The following NRP1 variants were observed in gnomAD, a reference collection of about 807,000 sequenced individuals.
NRP1 encodes neuropilin-1.
Under a neutral mutation model 106.7 loss-of-function variants are expected in NRP1, and 35 were observed. The ratio of observed to expected loss-of-function variants is 0.33; its 90% confidence interval spans 0.25 to 0.43. The LOEUF is 0.43. Among genes scored for constraint, NRP1 ranks in the 20% least tolerant of loss-of-function variants. The pLI, the probability that NRP1 is intolerant of heterozygous loss-of-function variation, is 1.00. For synonymous variants in NRP1, 437 were observed against 417.9 expected (o/e 1.05, Z -0.56); for missense variants, 1,024 against 1,170.4 (o/e 0.87, Z 1.83).
Position 33,197,783 on chromosome 10 carries a change from C to T in NRP1, c.1865-74G>A, listed in dbSNP as rs1836895323. ...TATGCAGGAGAAAAATGTATGCTTA[C>T]AAATGTCTATCAGAGGCAAATATTT... On this transcript the variant is annotated intron_variant, in intron 11 of 16. Coordinates refer to ENST00000374867, the MANE Select transcript of NRP1 (RefSeq NM_003873.7). 6.1e-6 allele frequency: 5 copies of T among 818,450 alleles called. 1 individual carries two copies. The highest frequency in any genetic ancestry group is 5.2e-5 in the South Asian group (3 of 58,084). The allele number at this position is 818,450 out of a possible 1,614,324, so 50.7% of individuals were successfully genotyped here.
intron 2 of NRP1, among the ~76,000 whole-genome samples, chr10:33,302,539 AC>A (rs1206954267): frequency 2.0e-5 from 3 of 152,234 alleles, no homozygotes; most frequent in African/African-American, 7.2e-5. Context: ...GTTGGAGGGT[AC>A]ATTACTAGGT....
intron 6 of NRP1, among the ~76,000 whole-genome samples, chr10:33,241,298 C>T (rs560321904): frequency 1.9e-3 from 285 of 152,256 alleles, no homozygotes; most frequent in Middle Eastern, 3.4e-3. Flanking sequence ...CCTTTGCTAT[C>T]CAAATGCAGT....
At position 33,213,448 on chromosome 10, in the gene NRP1, C is replaced by T. The variant is rs769982693; in HGVS notation, c.1552G>A (p.Gly518Arg). Residue 518 changes from glycine (G) to arginine (R), a missense_variant, in exon 9 of 17, where the codon GGG (glycine) becomes AGG (arginine). Gly to Arg is a moderately radical substitution (Grantham distance 125). Transcript: ENST00000374867. ...NKVFMRKFKIGYSNNGSDWKM... is the reference protein window; with the variant it reads ...NKVFMRKFKIRYSNNGSDWKM... ...CAGTCCGAGCCGTTGTTGCTGTACC[C>T]GATCTTGAACTTCCTCATGAACACC... is the stretch of plus-strand genomic sequence containing the variant. The T allele has an allele frequency of 1.6e-5, 26 of 1,613,914 alleles. No individual in the cohort carries two copies. In the Middle Eastern group the frequency reaches 4.9e-4, roughly 31 times the overall value.
Position 33,282,783 on chromosome 10 carries a change from T to C in NRP1, c.249-11927A>G, listed in dbSNP as rs527668673. Among the ~76,000 whole-genome samples, 11 of 152,268 alleles carry C rather than the reference T, an allele frequency of 7.2e-5. 1 individual carries two copies. The South Asian group carries it at 2.3e-3, about 32-fold the overall frequency. ...TTTTTGAAGGCAGAGTCTTGCTCTG[T>C]CACCCAGGGTGGAATGCAGTGGCAC... On this transcript the variant is annotated intron_variant, in intron 2 of 16. Coordinates refer to ENST00000374867, the MANE Select transcript of NRP1 (RefSeq NM_003873.7).
chr10:33,220,957 G>A (rs1265669528), intron 8 of NRP1, among the ~76,000 whole-genome samples: 1 of 151,404 alleles, frequency 6.6e-6, no homozygotes, highest in Non-Finnish European at 1.5e-5. Context: ...CTGGCCAGGG[G>A]CAGTAGCTCA....
intron 6 of NRP1, among the ~76,000 whole-genome samples, chr10:33,227,732 A>G (rs1167148133): frequency 6.6e-6 from 1 of 152,068 alleles, no homozygotes; most frequent in Non-Finnish European, 1.5e-5. Flanking sequence ...GGGTGACTGA[A>G]ATCTCGAGGG....
intron 2 of NRP1, among the ~76,000 whole-genome samples, chr10:33,324,999 C>T (rs1220190202): frequency 2.0e-5 from 3 of 152,092 alleles, no homozygotes; most frequent in Admixed American, 6.5e-5. Flanking sequence ...AATGAAGTCA[C>T]AGAAGTTAGG....
At position 33,207,611 on chromosome 10, in the gene NRP1, G is replaced by C. The variant is rs569952285; in HGVS notation, c.1720C>G (p.Leu574Val). Reference sequence around the variant, plus strand: ...CCCAGCAGCTCCATTCTGAGCCCCAGTCCGCCATGAGTGGCTCTCTCGGGG... The same window carrying C: ...CCCAGCAGCTCCATTCTGAGCCCCACTCCGCCATGAGTGGCTCTCTCGGGG... ...IYPERATHGG[L>V]GLRMELLGCE... is the part of the protein sequence containing the mutation. The change falls in exon 10 of 17, where the codon CTG becomes GTG. Residue 574 changes from leucine (L) to valine (V), a missense_variant. Around this residue, in one of 5 missense-constraint regions of NRP1, gnomAD observed 562 missense variants for 620.3 expected, o/e 0.91. Transcript: ENST00000374867. The C allele has an allele frequency of 5.3e-5, 86 of 1,614,206 alleles. 1 individual carries two copies. The Admixed American group carries it at 1.4e-3, about 27-fold the overall frequency.
intron 8 of NRP1, among the ~76,000 whole-genome samples, chr10:33,218,114 T>A (rs1265754855): frequency 6.6e-6 from 1 of 152,108 alleles, no homozygotes; most frequent in African/African-American, 2.4e-5. Context: ...GTAACAGACT[T>A]CTGGTTAATA....
intron 2 of NRP1, among the ~76,000 whole-genome samples, chr10:33,294,259 T>C (rs1845215188): frequency 6.6e-6 from 1 of 152,206 alleles, no homozygotes; most frequent in Non-Finnish European, 1.5e-5. Flanking sequence ...GGCATTTAGC[T>C]TCCTGCAAAT....
chr10:33,292,880 C>A (rs1431903979), intron 2 of NRP1, among the ~76,000 whole-genome samples: 1 of 151,854 alleles, frequency 6.6e-6, no homozygotes, highest in Non-Finnish European at 1.5e-5. Flanking sequence ...CTCACCTACT[C>A]AGGGCTGAGC....
chr10:33,209,283 G>A (rs952138608), intron 9 of NRP1, among the ~76,000 whole-genome samples: 1 of 152,148 alleles, frequency 6.6e-6, no homozygotes, highest in African/African-American at 2.4e-5. Context: ...TTCTCCATGA[G>A]GTAAATTCTG....
chr10:33,196,540 T>C (rs1836797768), intron 12 of NRP1, among the ~76,000 whole-genome samples: 1 of 152,176 alleles, frequency 6.6e-6, no homozygotes, highest in South Asian at 2.1e-4. Context: ...ACTTAAGATG[T>C]GTGTAGGACG....
intron 2 of NRP1, among the ~76,000 whole-genome samples, chr10:33,329,116 A>T (rs1848093332): frequency 6.6e-6 from 1 of 152,184 alleles, no homozygotes; most frequent in South Asian, 2.1e-4. Flanking sequence ...CACTGTAAAA[A>T]CCACCATAAA....
rs748671975 is a variant in NRP1, at chr10:33,207,609, C to T, written c.1722G>A (p.Leu574=). ...IYPERATHGG[L]GLRMELLGCE... Reference sequence around the variant, plus strand: ...AGCCCAGCAGCTCCATTCTGAGCCCCAGTCCGCCATGAGTGGCTCTCTCGG... The same window carrying T: ...AGCCCAGCAGCTCCATTCTGAGCCCTAGTCCGCCATGAGTGGCTCTCTCGG... Residue 574 remains leucine, a synonymous_variant, in exon 10 of 17, where the codon CTG becomes CTA. Transcript: ENST00000374867. The T allele has an allele frequency of 1.2e-6, 2 of 1,614,110 alleles. No individual in the cohort carries two copies. Among genetic ancestry groups the T allele is most frequent in the African/African-American group, 2.7e-5 (2 of 74,948 alleles).
intron 6 of NRP1, among the ~76,000 whole-genome samples, chr10:33,230,988 A>G (rs1840078521): frequency 6.6e-6 from 1 of 152,122 alleles, no homozygotes; most frequent in African/African-American, 2.4e-5. Context: ...CTACCTTTTT[A>G]GCCTCCTGCT....
chr10:33,220,465 C>T (rs149690288), intron 8 of NRP1, among the ~76,000 whole-genome samples: 229 of 152,240 alleles, frequency 1.5e-3, no homozygotes, highest in Admixed American at 5.5e-3. Context: ...TCCAAGCTTA[C>T]TATAAAGATC....
intron 10 of NRP1, among the ~76,000 whole-genome samples, chr10:33,204,716 T>C (rs908273931): frequency 6.6e-6 from 1 of 152,154 alleles, no homozygotes; most frequent in Non-Finnish European, 1.5e-5. Flanking sequence ...ATATATTATC[T>C]TCTATGGTTC....
At chr10:33,233,972 G>A (rs1040185825) in intron 6 of NRP1, among the ~76,000 whole-genome samples, 1 of 152,094 alleles carries the variant, frequency 6.6e-6, no homozygotes, top group Non-Finnish European at 1.5e-5. Flanking sequence ...TGACCATTGT[G>A]CTCATTAACT....
Sources: gnomAD v4.1 joint callset for allele counts (sites outside exome capture counted in the v4.1 genomes callset) on GRCh38, gnomAD v4.1.1 for gene constraint, gnomAD v4.1.1 regional missense constraint, MANE v1.5 for transcripts, NCBI Gene and HGNC (gene_info 2026-07-23, HGNC 2026-07-21) for gene names.